The following KCNIP4 variants were observed in gnomAD, a reference collection of about 807,000 sequenced individuals.
KCNIP4 encodes potassium voltage-gated channel interacting protein 4, also known as Kv channel-interacting protein 4.
Under a neutral mutation model 34.0 loss-of-function variants are expected in KCNIP4, and 12 were observed. The ratio of observed to expected loss-of-function variants is 0.35; its 90% CI spans 0.23 to 0.57. The LOEUF (loss-of-function observed/expected upper bound fraction) is 0.57. Ranked by LOEUF, KCNIP4 falls within the 20% of genes least tolerant of loss-of-function variation. KCNIP4 has a pLI of 0.83. For synonymous variants in KCNIP4, 124 were observed against 102.2 expected, an observed-to-expected ratio of 1.21 and a Z score of -1.29; for missense variants, 238 against 311.7, an observed-to-expected ratio of 0.76 and a Z score of 1.78.
chr4:20,909,824 G>A lies in KCNIP4; in HGVS notation c.62-27115C>T, dbSNP rs73096002. Among the ~76,000 whole-genome samples, 153 of 152,204 alleles carry A rather than the reference G, an allele frequency of 1.0e-3. 1 individual carries two copies. Among genetic ancestry groups the A allele is most frequent in the African/African-American group, 3.6e-3 (148 of 41,516 alleles). On this transcript the variant is annotated intron_variant, in intron 1 of 8. Coordinates refer to ENST00000382152, the MANE Select transcript of KCNIP4 (RefSeq NM_025221.6). Reference sequence around the variant, plus strand: ...GCTTTTGTGATGACAGTCATGACTAGTACATCCTTCTCTCTTACTTGTCTA... The same window carrying A: ...GCTTTTGTGATGACAGTCATGACTAATACATCCTTCTCTCTTACTTGTCTA...
intron 1 of KCNIP4, among the ~76,000 whole-genome samples, chr4:20,965,214 A>G (rs1375659780): frequency 1.3e-5 from 2 of 152,172 alleles, no homozygotes; most frequent in Non-Finnish European, 1.5e-5. Flanking sequence ...TCTATCCTAT[A>G]TTCCTGCCAA....
chr4:21,824,459 G>C (rs904836307), intron 1 of KCNIP4, among the ~76,000 whole-genome samples: 1 of 152,096 alleles, frequency 6.6e-6, no homozygotes, highest in Non-Finnish European at 1.5e-5. Context: ...CCTGCATTCT[G>C]ATGCACCAGC....
chr4:20,881,296 T>C (rs1724652288), intron 2 of KCNIP4, among the ~76,000 whole-genome samples: 1 of 152,210 alleles, frequency 6.6e-6, no homozygotes, highest in East Asian at 1.9e-4. Flanking sequence ...ATTTGTGTTG[T>C]GGAGACCCAT....
chr4:21,910,181 A>G (rs899080820), intron 1 of KCNIP4, among the ~76,000 whole-genome samples: 2 of 152,058 alleles, frequency 1.3e-5, no homozygotes, highest in Admixed American at 6.6e-5. Context: ...ATCTACCCAA[A>G]AGAAGGAGAT....
At chr4:20,865,592 G>C (rs1016633656) in intron 2 of KCNIP4, among the ~76,000 whole-genome samples, 1 of 151,906 alleles carries the variant, frequency 6.6e-6, no homozygotes, top group Non-Finnish European at 1.5e-5. Context: ...TATGTTAAGT[G>C]AAATAAGCAA....
At chr4:20,826,091 AG>A (rs1204745728) in intron 3 of KCNIP4, among the ~76,000 whole-genome samples, 1 of 152,010 alleles carries the variant, frequency 6.6e-6, no homozygotes, top group African/African-American at 2.4e-5. Context: ...AACTAATCCT[AG>A]GTAAAGATGT....
At chr4:21,123,647 A>T (rs1750358726) in intron 1 of KCNIP4, among the ~76,000 whole-genome samples, 1 of 152,216 alleles carries the variant, frequency 6.6e-6, no homozygotes, top group Admixed American at 6.5e-5. Context: ...TACAGAATAA[A>T]TATTTGTATG....
chr4:21,507,653 T>C (rs1048744678), intron 1 of KCNIP4, among the ~76,000 whole-genome samples: 1 of 152,184 alleles, frequency 6.6e-6, no homozygotes, highest in Admixed American at 6.5e-5. Flanking sequence ...AATACAGTAC[T>C]GCTCCTTGAC....
intron 1 of KCNIP4, among the ~76,000 whole-genome samples, chr4:21,100,258 G>T (rs552211513): frequency 6.6e-6 from 1 of 152,108 alleles, no homozygotes; most frequent in African/African-American, 2.4e-5. Context: ...TTAAGAAATT[G>T]CCACAGCCTT....
At chr4:21,932,031 G>A (rs1029431779) in intron 1 of KCNIP4, among the ~76,000 whole-genome samples, 2 of 152,040 alleles carry the variant, frequency 1.3e-5, no homozygotes, top group Admixed American at 1.3e-4. Context: ...CCACAAGTCA[G>A]CAGACATCAG....
chr4:21,528,627 A>C (rs2108966855), intron 1 of KCNIP4, among the ~76,000 whole-genome samples: 2 of 150,750 alleles, frequency 1.3e-5, no homozygotes, highest in South Asian at 4.2e-4. Flanking sequence ...AGAACGCGTC[A>C]CTGAACTCCA....
chr4:21,441,740 A>G (rs1727503557), intron 1 of KCNIP4, among the ~76,000 whole-genome samples: 1 of 152,184 alleles, frequency 6.6e-6, no homozygotes, highest in Non-Finnish European at 1.5e-5. Context: ...TTTGTCAGAT[A>G]TACTAAGCAG....
At chr4:21,151,564 T>A (rs1427707319) in intron 1 of KCNIP4, among the ~76,000 whole-genome samples, 1 of 151,968 alleles carries the variant, frequency 6.6e-6, no homozygotes, top group Non-Finnish European at 1.5e-5. Context: ...GAGAGCAAGC[T>A]CTTTGGTTTA....
intron 1 of KCNIP4, among the ~76,000 whole-genome samples, chr4:21,202,070 G>C (rs1461990530): frequency 1.3e-5 from 2 of 152,206 alleles, no homozygotes; most frequent in African/African-American, 4.8e-5. Context: ...ATTTCTCAAA[G>C]AACGAAGAGT....
At chr4:20,832,538 A>T (rs1341668983) in intron 3 of KCNIP4, among the ~76,000 whole-genome samples, 1 of 152,098 alleles carries the variant, frequency 6.6e-6, no homozygotes, top group East Asian at 1.9e-4. Flanking sequence ...TGTATATTTT[A>T]TTGGTCATAT....
chr4:21,665,540 T>G lies in KCNIP4; in HGVS notation c.61+283031A>C, dbSNP rs149410351. Among the ~76,000 whole-genome samples, 652 of 148,872 alleles carry G rather than the reference T, an allele frequency of 4.4e-3. 3 individuals are homozygous for G. Among genetic ancestry groups the G allele is most frequent in the Non-Finnish European group, 7.0e-3 (467 of 66,826 alleles). On this transcript the variant is annotated intron_variant, in intron 1 of 8. Transcript: ENST00000382152. The stretch of plus-strand genomic sequence containing the variant: ...CCCCCCCCTCATTTTATACATGTAT[T>G]TTCTTGTAAAAGTTAATCAACACAA...
chr4:21,513,152 G>T (rs963885030), intron 1 of KCNIP4, among the ~76,000 whole-genome samples: 1 of 152,216 alleles, frequency 6.6e-6, no homozygotes, highest in Non-Finnish European at 1.5e-5. Context: ...TAACAGGACA[G>T]CCCTGCTGTG....
At chr4:20,795,197 C>A (rs1014747362) in intron 3 of KCNIP4, among the ~76,000 whole-genome samples, 1 of 152,022 alleles carries the variant, frequency 6.6e-6, no homozygotes, top group Non-Finnish European at 1.5e-5. Flanking sequence ...GCCATTAAAT[C>A]ATAAAGAAGA....
intron 1 of KCNIP4, among the ~76,000 whole-genome samples, chr4:21,123,143 G>A (rs1241981209): frequency 1.3e-5 from 2 of 152,252 alleles, no homozygotes; most frequent in South Asian, 2.1e-4. Flanking sequence ...GAACCTGGAA[G>A]GCGGAGTTTG....
Sources: allele counts gnomAD v4.1 joint callset (sites outside exome capture counted in the v4.1 genomes callset), GRCh38; gene constraint gnomAD v4.1.1; transcripts MANE v1.5; gene names NCBI Gene and HGNC (gene_info 2026-07-23, HGNC 2026-07-21).